Variants in EHBP1 observed in about 807,000 individuals in gnomAD.
EHBP1 encodes EH domain-binding protein 1.
EHBP1 carries 55 observed loss-of-function variants against 144.0 expected under a neutral mutation model. That is an observed-to-expected ratio of 0.38 (90% CI 0.31 to 0.48). The LOEUF (loss-of-function observed/expected upper bound fraction) is 0.48. Ranked by LOEUF, EHBP1 falls within the 20% of genes least tolerant of loss-of-function variation. The pLI, the probability that EHBP1 is intolerant of heterozygous loss-of-function variation, is 0.98. For missense variants in EHBP1, 1,200 were observed against 1,364.2 expected (o/e 0.88, Z 1.90); for synonymous variants, 469 against 472.7 (o/e 0.99, Z 0.10).
chr2:62,739,781 T>C (rs1468957916), intron 2 of EHBP1, among the ~76,000 whole-genome samples: 2 of 151,360 alleles, frequency 1.3e-5, no homozygotes, highest in Non-Finnish European at 2.9e-5. Context: ...ACAAAAAAAA[T>C]TTAAAATTAG....
intron 19 of EHBP1, among the ~76,000 whole-genome samples, chr2:63,012,216 A>G (rs1056943603): frequency 3.9e-5 from 6 of 152,010 alleles, no homozygotes; most frequent in Admixed American, 3.9e-4. Context: ...ATGACATACT[A>G]GTCTAGTGGT....
Position 62,826,236 on chromosome 2 carries a change from A to G in EHBP1, c.462A>G (p.Leu154=), listed in dbSNP as rs764223737. 46 of 1,598,784 alleles carry G rather than the reference A, an allele frequency of 2.9e-5. No individual in the cohort carries two copies. The highest frequency in any genetic ancestry group is 1.3e-4 in the East Asian group (6 of 44,656). The change falls in exon 6 of 23, where the codon TTA becomes TTG. Residue 154 remains leucine (L), a synonymous_variant. Transcript: ENST00000431489. ...TATCTGCCGCTCTTCAGTTTTCATT[A>G]TCTTGCATTTTTCTGAGGGAAGGAA... ...KVVSAALQFS[L]SCIFLREGKA... is the part of the protein sequence containing the mutation.
At chr2:62,686,888 A>G (rs1427484585) in intron 1 of EHBP1, among the ~76,000 whole-genome samples, 1 of 152,224 alleles carries the variant, frequency 6.6e-6, no homozygotes, top group African/African-American at 2.4e-5. Flanking sequence ...TCAAGCACTT[A>G]CTATGTACCA....
chr2:62,785,875 G>A (rs531508986), intron 5 of EHBP1, among the ~76,000 whole-genome samples: 5 of 152,024 alleles, frequency 3.3e-5, no homozygotes, highest in African/African-American at 7.2e-5. Flanking sequence ...TGAAACTTAC[G>A]AAACTTTTTT....
At chr2:62,813,547 C>T (rs556962137) in intron 5 of EHBP1, among the ~76,000 whole-genome samples, 28 of 152,244 alleles carry the variant, frequency 1.8e-4, no homozygotes, top group African/African-American at 6.3e-4. Flanking sequence ...TGTGAGCTAC[C>T]ACTGTGCAAC....
intron 1 of EHBP1, among the ~76,000 whole-genome samples, chr2:62,685,128 A>C (rs766838669): frequency 2.6e-5 from 4 of 152,224 alleles, no homozygotes; most frequent in Non-Finnish European, 5.9e-5. Context: ...ATAGCTAATA[A>C]TTGAGTACAG....
intron 19 of EHBP1, among the ~76,000 whole-genome samples, chr2:63,021,595 C>T (rs1162544094): frequency 6.6e-6 from 1 of 152,168 alleles, no homozygotes; most frequent in Non-Finnish European, 1.5e-5. Flanking sequence ...TTCATCCTGA[C>T]TTCATCCCCT....
chr2:62,677,385 G>A (rs1050164837), intron 1 of EHBP1, among the ~76,000 whole-genome samples: 1 of 152,072 alleles, frequency 6.6e-6, no homozygotes, highest in Non-Finnish European at 1.5e-5. Flanking sequence ...TACAACAGGT[G>A]TAAATATGTG....
intron 16 of EHBP1, among the ~76,000 whole-genome samples, chr2:62,991,303 A>G (rs2059403985): frequency 6.6e-6 from 1 of 151,986 alleles, no homozygotes; most frequent in African/African-American, 2.4e-5. Context: ...CAATAAGTAA[A>G]TATCAATATG....
At chr2:62,939,205 A>G (rs1280864341) in intron 10 of EHBP1, among the ~76,000 whole-genome samples, 1 of 152,218 alleles carries the variant, frequency 6.6e-6, no homozygotes, top group African/African-American at 2.4e-5. Flanking sequence ...GTCCGTGGAA[A>G]AAGTAGAGCA....
rs183564274 is a variant in EHBP1, at chr2:62,738,333, C to T, written c.105-9062C>T. On this transcript the variant is annotated intron_variant, in intron 2 of 22. Transcript: ENST00000431489. ...AGTAAACATAGTTAGCAGCTGAGCC[C>T]TATAGTATTATCACATTAACATTTT... is the stretch of plus-strand genomic sequence containing the variant. Among the ~76,000 whole-genome samples the T allele has an allele frequency of 3.5e-3, 535 of 152,200 alleles. 3 individuals carry two copies. Among genetic ancestry groups the T allele is most frequent in the African/African-American group, 0.012 (504 of 41,512 alleles).
At chr2:62,710,658 G>A (rs1206819174) in intron 2 of EHBP1, among the ~76,000 whole-genome samples, 1 of 151,808 alleles carries the variant, frequency 6.6e-6, no homozygotes, top group Non-Finnish European at 1.5e-5. Flanking sequence ...CCAACCTTGT[G>A]ACCCCAGGAT....
At chr2:62,937,129 A>G (rs886439255) in intron 10 of EHBP1, among the ~76,000 whole-genome samples, 1 of 152,232 alleles carries the variant, frequency 6.6e-6, no homozygotes, top group Non-Finnish European at 1.5e-5. Context: ...TTAAACATAT[A>G]GAGGGCAGCG....
intron 14 of EHBP1, among the ~76,000 whole-genome samples, chr2:62,978,747 T>G (rs764035933): frequency 5.9e-5 from 9 of 152,180 alleles, no homozygotes; most frequent in Non-Finnish European, 1.2e-4. Context: ...TAGTATTTGA[T>G]CAGCATAGTA....
chr2:63,019,830 G>GGGAGGGAAGGAAGGAAGGAAGAA (rs796556689), intron 19 of EHBP1, among the ~76,000 whole-genome samples: 1 of 34,782 alleles, frequency 2.9e-5, no homozygotes, highest in African/African-American at 1.4e-4. Context: ...AAGAGGGGGA[G>GGGAGGGAAGGAAGGAAGGAAGAA]GGAAGGAAGG....
In EHBP1 at chr2:62,896,403, C is replaced by T. The variant is rs758790164; in HGVS notation, c.1185+21871C>T. ...CATTGTAACAATTTTGGCATTAAATCATGCGTGGTGGAAAGCCAGTTAAGT... is the reference window on the plus strand; with the variant it reads ...CATTGTAACAATTTTGGCATTAAATTATGCGTGGTGGAAAGCCAGTTAAGT... On this transcript the variant is annotated intron_variant, in intron 10 of 22. Coordinates refer to ENST00000431489, the MANE Select transcript of EHBP1 (RefSeq NM_001142616.3). 2.8e-4 allele frequency among the ~76,000 whole-genome samples: 43 copies of T among 152,154 alleles called. 1 individual carries two copies. The highest frequency in any genetic ancestry group is 5.7e-4 in the Non-Finnish European group (39 of 68,026).
In EHBP1 at chr2:62,705,751, G is replaced by A. The variant is rs1463260447; in HGVS notation, c.-597G>A. Reference sequence around the variant, plus strand: ...CGGCGGGGGAGGTAATGATGATGGTGGCGGAGGAGAAAGGCGGGGGAGGGG... The same window carrying A: ...CGGCGGGGGAGGTAATGATGATGGTAGCGGAGGAGAAAGGCGGGGGAGGGG... On this transcript the variant is annotated 5_prime_UTR_variant, in exon 1 of 23. Transcript: ENST00000431489. The A allele has an allele frequency of 3.3e-5, 5 of 152,438 alleles. No homozygotes were observed. Among genetic ancestry groups the A allele is most frequent in the East Asian group, 2.0e-4 (1 of 5,118 alleles). 9.4% of individuals were successfully genotyped at this position (152,438 alleles called of 1,614,324 possible).
chr2:62,843,278 T>A (rs1197146967), intron 7 of EHBP1, among the ~76,000 whole-genome samples: 1 of 152,200 alleles, frequency 6.6e-6, no homozygotes, highest in Non-Finnish European at 1.5e-5. Context: ...GAAGCTTCAT[T>A]CTCTCTGGCT....
rs1238120748 is a variant in EHBP1, at chr2:62,949,022, A to G, written c.2176A>G (p.Thr726Ala). The G allele has an allele frequency of 1.2e-6, 2 of 1,613,798 alleles. No homozygotes were observed. Among genetic ancestry groups the G allele is most frequent in the Non-Finnish European group, 1.7e-6 (2 of 1,179,872 alleles). The change falls in exon 13 of 23, where the codon ACT (threonine) becomes GCT (alanine). Residue 726 changes from threonine (T) to alanine (A), a missense_variant. This residue lies in a region of EHBP1 where 543 missense variants were observed against 513.1 expected (regional missense o/e 1.06). Transcript: ENST00000431489. ...SPIKKTSLSP[T>A]SKLGYSYSRD... ...TATCAAAAAAACAAGTTTATCTCCT[A>G]CTTCTAAACTTGGATACTCATATAG... is the stretch of plus-strand genomic sequence containing the variant.
Sources: gnomAD v4.1 joint callset for allele counts (sites outside exome capture counted in the v4.1 genomes callset) on GRCh38, gnomAD v4.1.1 for gene constraint, gnomAD v4.1.1 regional missense constraint, MANE v1.5 for transcripts, NCBI Gene and HGNC (gene_info 2026-07-23, HGNC 2026-07-21) for gene names.